Variants in PPIG observed in about 807,000 individuals in gnomAD.
The protein encoded by PPIG is peptidyl-prolyl cis-trans isomerase G.
Under a neutral mutation model 87.9 loss-of-function variants are expected in PPIG, and 26 were observed. The observed-to-expected ratio is 0.30, with a 90% CI of 0.22 to 0.41. The LOEUF (loss-of-function observed/expected upper bound fraction) is 0.41. Ranked by LOEUF, PPIG falls within the 10% of genes least tolerant of loss-of-function variation. The pLI is 1.00. For missense variants in PPIG, 722 were observed against 879.4 expected, an observed-to-expected ratio of 0.82 and a Z score of 2.26; for synonymous variants, 308 against 276.5, an observed-to-expected ratio of 1.11 and a Z score of -1.13.
At chr2:169,613,987 G>A (rs1238878820) in intron 7 of PPIG, among the ~76,000 whole-genome samples, 4 of 152,194 alleles carry the variant, frequency 2.6e-5, no homozygotes, top group Non-Finnish European at 4.4e-5. Context: ...TTCTGTTCAA[G>A]TCCAACAGTA....
intron 9 of PPIG, among the ~76,000 whole-genome samples, chr2:169,617,746 A>AT (rs1685640941): frequency 6.6e-6 from 1 of 152,084 alleles, no homozygotes; most frequent in Admixed American, 6.6e-5. Context: ...GCTTAAGGAG[A>AT]TATGGGGCTG....
chr2:169,619,675 T>A (rs893700731), intron 9 of PPIG, among the ~76,000 whole-genome samples: 4 of 152,018 alleles, frequency 2.6e-5, no homozygotes, highest in African/African-American at 9.7e-5. Context: ...GGTTTTCTAA[T>A]AATGGCTGTA....
intron 7 of PPIG, among the ~76,000 whole-genome samples, chr2:169,610,039 A>C (rs1412753371): frequency 6.6e-6 from 1 of 152,226 alleles, no homozygotes; most frequent in African/African-American, 2.4e-5. Context: ...GCCTGTTGTC[A>C]GTAATGCCTG....
intron 10 of PPIG, 90 bp from the exon 11 acceptor site, chr2:169,631,676 A>T: frequency 3.1e-6 from 5 of 1,590,812 alleles, no homozygotes; most frequent in Non-Finnish European, 4.3e-6. Context: ...TATTATAGTG[A>T]TATAAAGGAA....
rs1000804793 is a variant in PPIG, at chr2:169,624,159, G to A, written c.548-6615G>A. Among the ~76,000 whole-genome samples, 7 of 152,146 alleles carry A rather than the reference G, an allele frequency of 4.6e-5. No homozygotes were observed. The South Asian group carries it at 6.2e-4, about 13-fold the overall frequency. ...TTTTTGTATTTTTGGTGGAGACAAG[G>A]TCTCGCTATGTTGCCCAGGCAGGTC... On this transcript the variant is annotated intron_variant, in intron 9 of 13. Coordinates refer to ENST00000260970, the MANE Select transcript of PPIG (RefSeq NM_004792.3).
chr2:169,617,578 G>A (rs1376902054), intron 9 of PPIG, among the ~76,000 whole-genome samples: 8 of 152,052 alleles, frequency 5.3e-5, no homozygotes, highest in East Asian at 3.8e-4. Flanking sequence ...TTCACATCCC[G>A]TGTAAGTTGT....
intron 12 of PPIG, 199 bp downstream of exon 12, chr2:169,633,446 T>A (rs939111796): frequency 1.8e-6 from 1 of 557,220 alleles, no homozygotes; most frequent in Non-Finnish European, 3.1e-6. Flanking sequence ...GAGATATGAA[T>A]AGATTTTACA....
Position 169,636,553 on chromosome 2 carries a change from A to C in PPIG, c.1295A>C (p.Asn432Thr). 1 of 1,609,434 alleles carries C rather than the reference A, an allele frequency of 6.2e-7. No homozygotes were observed. The highest frequency in any genetic ancestry group is 8.5e-7 in the Non-Finnish European group (1 of 1,178,980). The change falls in exon 14 of 14, where the codon AAC becomes ACC. Residue 432 changes from asparagine to threonine, a missense_variant. Around this residue, in one of 4 missense-constraint regions of PPIG, gnomAD observed 476 missense variants for 483.1 expected, o/e 0.99. Transcript: ENST00000260970. ...AAGAAAGTTAAAGACCATAAATCTA[A>C]CAGCAAAGAGAGAGACATCAGAAGA... ...KEKKVKDHKS[N>T]SKERDIRRNS...
intron 1 of PPIG, among the ~76,000 whole-genome samples, chr2:169,589,652 GT>G (rs1276223125): frequency 2.0e-5 from 3 of 151,748 alleles, no homozygotes; most frequent in Admixed American, 2.0e-4. Context: ...TGGTTTTGGG[GT>G]TTTTTTGGGG....
At chr2:169,628,433 T>C (rs894517833) in intron 9 of PPIG, among the ~76,000 whole-genome samples, 3 of 152,208 alleles carry the variant, frequency 2.0e-5, no homozygotes, top group Non-Finnish European at 4.4e-5. Context: ...GAACCAGAAG[T>C]CCTTGGTCAA....
chr2:169,622,501 G>A (rs954204804), intron 9 of PPIG, among the ~76,000 whole-genome samples: 2 of 152,196 alleles, frequency 1.3e-5, no homozygotes, highest in African/African-American at 4.8e-5. Flanking sequence ...GCTAAAAGTT[G>A]ATGTAACATC....
Position 169,637,596 on chromosome 2 carries a change from ATGT to A in PPIG, c.*78_*80del, listed in dbSNP as rs1336055283. 6.7e-6 allele frequency: 9 copies of A among 1,346,992 alleles called. No homozygotes were observed. The highest frequency in any genetic ancestry group is 2.6e-5 in the Admixed American group (1 of 39,052). 83.4% of individuals were successfully genotyped at this position (1,346,992 alleles called of 1,614,324 possible). On this transcript the variant is annotated 3_prime_UTR_variant, in exon 14 of 14. Transcript: ENST00000260970. ...AGAGACTTGCTAATGAATCTCCTTT[ATGT>A]TGTTTTCCTTTTCATTGTTTTTGGA... is the stretch of plus-strand genomic sequence containing the variant.
At chr2:169,600,606 T>C (rs924181996) in intron 1 of PPIG, among the ~76,000 whole-genome samples, 3 of 152,046 alleles carry the variant, frequency 2.0e-5, no homozygotes, top group Admixed American at 6.6e-5. Flanking sequence ...AGATTTAGGA[T>C]GCTCAATCAT....
At chr2:169,617,185 T>C (rs1380293406) in intron 9 of PPIG, among the ~76,000 whole-genome samples, 1 of 152,180 alleles carries the variant, frequency 6.6e-6, no homozygotes, top group Non-Finnish European at 1.5e-5. Flanking sequence ...TGTGGCGTTA[T>C]TTCTGAGGCC....
At chr2:169,598,288 A>C (rs1362306006) in intron 1 of PPIG, among the ~76,000 whole-genome samples, 1 of 151,310 alleles carries the variant, frequency 6.6e-6, no homozygotes, top group African/African-American at 2.4e-5. Flanking sequence ...CTAGCCTTTT[A>C]TTTTCTTTTT....
chr2:169,632,143 T>C (rs1321344124), intron 11 of PPIG, among the ~76,000 whole-genome samples: 1 of 152,196 alleles, frequency 6.6e-6, no homozygotes, highest in Non-Finnish European at 1.5e-5. Flanking sequence ...TGAAGTAAAG[T>C]TACACATAAT....
rs1413916919 is a variant in PPIG at position 169,638,207 on chromosome 2, C to T, written c.*684C>T. ...TTTTTCAGTTGATGTACTGATTGAG[C>T]TTGAGTTGCTGTTATACAGCATTTG... On this transcript the variant is annotated 3_prime_UTR_variant, in exon 14 of 14. Transcript: ENST00000260970. 1 of 151,662 alleles carries T rather than the reference C, an allele frequency of 6.6e-6. No individual in the cohort carries two copies. The highest frequency in any genetic ancestry group is 2.4e-5 in the African/African-American group (1 of 41,288). 9.4% of individuals were successfully genotyped at this position (151,662 alleles called of 1,614,324 possible).
chr2:169,614,447 CTGA>C lies in PPIG; in HGVS notation c.378-12_378-10del, dbSNP rs751366849. 6.5e-7 allele frequency: 1 copy of C among 1,538,662 alleles called. No individual in the cohort carries two copies. Among genetic ancestry groups the C allele is most frequent in the Non-Finnish European group, 8.9e-7 (1 of 1,127,766 alleles). Reference sequence around the variant, plus strand: ...TCTGACTTTGTTTTTATTCTTCTATCTGATGATTTCCAAAAGAACAACGAAACC... The same window carrying C: ...TCTGACTTTGTTTTTATTCTTCTATCTGATTTCCAAAAGAACAACGAAACC... On this transcript the variant is annotated splice_polypyrimidine_tract_variant and intron_variant, in intron 7 of 13. Transcript: ENST00000260970.
intron 1 of PPIG, 70 bp from the exon 2 acceptor site, chr2:169,603,572 T>TTC (rs928227949): frequency 1.3e-5 from 2 of 150,232 alleles, no homozygotes; most frequent in African/African-American, 2.5e-5. Flanking sequence ...ACTATTCTTT[T>TTC]TCTTCTTACA....
Sources: gnomAD v4.1 joint callset for allele counts (sites outside exome capture counted in the v4.1 genomes callset) on GRCh38, gnomAD v4.1.1 for gene constraint, gnomAD v4.1.1 regional missense constraint, MANE v1.5 for transcripts, NCBI Gene and HGNC (gene_info 2026-07-23, HGNC 2026-07-21) for gene names.